The following CDH4 variants were observed in gnomAD, a reference collection of about 807,000 sequenced individuals.
The protein encoded by CDH4 is cadherin-4.
In CDH4, 33 loss-of-function variants were observed where a neutral mutation model predicts 86.0. The observed-to-expected ratio is 0.38, with a 90% confidence interval of 0.29 to 0.51. CDH4 has a LOEUF of 0.51. Among genes scored for constraint, CDH4 ranks in the 20% least tolerant of loss-of-function variants. CDH4 has a pLI of 0.86. For missense variants in CDH4, 1,114 were observed against 1,307.4 expected (o/e 0.85, Z 2.28); for synonymous variants, 555 against 549.4 (o/e 1.01, Z -0.14).
At chr20:61,309,037 A>G (rs1334841399) in intron 2 of CDH4, among the ~76,000 whole-genome samples, 1 of 152,250 alleles carries the variant, frequency 6.6e-6, no homozygotes, top group Non-Finnish European at 1.5e-5. Context: ...GGCCCAGAAC[A>G]CAGTGAAAAT....
chr20:61,294,482 C>T (rs1384402180), intron 2 of CDH4, among the ~76,000 whole-genome samples: 1 of 152,224 alleles, frequency 6.6e-6, no homozygotes, highest in Non-Finnish European at 1.5e-5. Flanking sequence ...AGCTGCTCTT[C>T]CCATCACCCT....
At chr20:61,304,087 T>G (rs2084400794) in intron 2 of CDH4, among the ~76,000 whole-genome samples, 1 of 152,162 alleles carries the variant, frequency 6.6e-6, no homozygotes, top group Non-Finnish European at 1.5e-5. Flanking sequence ...GGAACCCGTG[T>G]CCTGGGGCCT....
At chr20:61,887,529 A>G (rs1755003167) in intron 7 of CDH4, among the ~76,000 whole-genome samples, 1 of 147,390 alleles carries the variant, frequency 6.8e-6, no homozygotes, top group Admixed American at 6.6e-5. Flanking sequence ...ACATGCACAC[A>G]CACAATACAC....
At chr20:61,686,507 ATG>A (rs543581662) in intron 2 of CDH4, among the ~76,000 whole-genome samples, 57 of 125,688 alleles carry the variant, frequency 4.5e-4, no homozygotes, top group East Asian at 1.9e-3. Flanking sequence ...GTGTGTGTAT[ATG>A]TGTGTGCATT....
rs540495766 is a variant in CDH4 at position 61,287,877 on chromosome 20, A to T, written c.169+32940A>T. Among the ~76,000 whole-genome samples the T allele has an allele frequency of 7.9e-5, 12 of 152,288 alleles. No individual in the cohort carries two copies. The South Asian group carries it at 2.3e-3, about 29-fold the overall frequency. Reference sequence around the variant, plus strand: ...TGTGGAAGAGGAGCCTGAAGCCGGGAGGACAAGGCCAGTGTCCGGGTGGCA... The same window carrying T: ...TGTGGAAGAGGAGCCTGAAGCCGGGTGGACAAGGCCAGTGTCCGGGTGGCA... On this transcript the variant is annotated intron_variant, in intron 2 of 15. Coordinates refer to ENST00000614565, the MANE Select transcript of CDH4 (RefSeq NM_001794.5).
At chr20:61,616,979 G>C (rs1375087893) in intron 2 of CDH4, among the ~76,000 whole-genome samples, 2 of 152,182 alleles carry the variant, frequency 1.3e-5, no homozygotes, top group East Asian at 3.9e-4. Flanking sequence ...AGGTGTCTCA[G>C]TGGAAAACAG....
chr20:61,292,074 G>T (rs1037476916), intron 2 of CDH4, among the ~76,000 whole-genome samples: 1 of 152,170 alleles, frequency 6.6e-6, no homozygotes, highest in Non-Finnish European at 1.5e-5. Context: ...AAGCAGTATG[G>T]TGATTCCTCA....
chr20:61,802,440 C>T (rs1448450020), intron 4 of CDH4, among the ~76,000 whole-genome samples: 2 of 152,218 alleles, frequency 1.3e-5, no homozygotes, highest in Non-Finnish European at 2.9e-5. Flanking sequence ...CTGAAGCTCC[C>T]CCAAAATCGT....
intron 3 of CDH4, among the ~76,000 whole-genome samples, chr20:61,767,890 T>C (rs1286575958): frequency 8.5e-5 from 13 of 152,158 alleles, no homozygotes; most frequent in Non-Finnish European, 1.0e-4. Context: ...GAAACATCCC[T>C]GGGGAGCCAT....
At chr20:61,758,681 G>A (rs1306645250) in intron 3 of CDH4, among the ~76,000 whole-genome samples, 1 of 152,210 alleles carries the variant, frequency 6.6e-6, no homozygotes, top group Non-Finnish European at 1.5e-5. Context: ...CGGTCCCCCT[G>A]AGCCGTGGCC....
intron 2 of CDH4, among the ~76,000 whole-genome samples, chr20:61,694,073 T>C (rs1477450913): frequency 1.3e-5 from 2 of 151,956 alleles, no homozygotes; most frequent in African/African-American, 4.8e-5. Context: ...CTTGTATTTT[T>C]AGTGGAGACA....
intron 2 of CDH4, among the ~76,000 whole-genome samples, chr20:61,573,273 G>A (rs561054884): frequency 2.0e-5 from 3 of 152,200 alleles, no homozygotes; most frequent in Non-Finnish European, 4.4e-5. Context: ...GCCTCTTCAC[G>A]TCTGGGAAGG....
intron 2 of CDH4, among the ~76,000 whole-genome samples, chr20:61,698,957 C>A (rs574251675): frequency 1.9e-4 from 29 of 152,244 alleles, no homozygotes; most frequent in Non-Finnish European, 3.4e-4. Flanking sequence ...CAAGGATATC[C>A]CCACCTTTGG....
At chr20:61,777,719 CGT>C (rs2088860247) in intron 4 of CDH4, among the ~76,000 whole-genome samples, 1 of 146,308 alleles carries the variant, frequency 6.8e-6, no homozygotes, top group African/African-American at 2.6e-5. Context: ...CACCCACATG[CGT>C]GCACACGTGC....
intron 2 of CDH4, among the ~76,000 whole-genome samples, chr20:61,442,201 C>G (rs867181744): frequency 5.9e-5 from 9 of 152,160 alleles, no homozygotes; most frequent in African/African-American, 2.2e-4. Context: ...TGTTAGTGCA[C>G]TTTTTATAAA....
chr20:61,607,920 C>G (rs937790187), intron 2 of CDH4, among the ~76,000 whole-genome samples: 2 of 152,212 alleles, frequency 1.3e-5, no homozygotes, highest in African/African-American at 2.4e-5. Flanking sequence ...AGTGCAGAGT[C>G]TCCCTACCCT....
chr20:61,279,247 A>G (rs1242885114), intron 2 of CDH4, among the ~76,000 whole-genome samples: 1 of 152,166 alleles, frequency 6.6e-6, no homozygotes, highest in South Asian at 2.1e-4. Context: ...CATGCTGTCT[A>G]CCTGGCCATA....
In CDH4 at chr20:61,554,926, T is replaced by A. The variant is rs187881132; in HGVS notation, c.170-188637T>A. Reference sequence around the variant, plus strand: ...GTGCAGACATGTACATGTGTGCTCGTGTGTGCATGCATTCTTGTGCATGTA... The same window carrying A: ...GTGCAGACATGTACATGTGTGCTCGAGTGTGCATGCATTCTTGTGCATGTA... On this transcript the variant is annotated intron_variant, in intron 2 of 15. Coordinates refer to ENST00000614565, the MANE Select transcript of CDH4 (RefSeq NM_001794.5). Among the ~76,000 whole-genome samples the A allele has an allele frequency of 1.1e-4, 16 of 152,338 alleles. 1 individual carries two copies. Among genetic ancestry groups the A allele is most frequent in the Admixed American group, 1.0e-3 (16 of 15,312 alleles).
chr20:61,551,375 A>G (rs572151351), intron 2 of CDH4, among the ~76,000 whole-genome samples: 1 of 152,226 alleles, frequency 6.6e-6, no homozygotes, highest in Non-Finnish European at 1.5e-5. Flanking sequence ...AAATTTCACA[A>G]ATCACTGGTG....
Sources: allele counts gnomAD v4.1 joint callset (sites outside exome capture counted in the v4.1 genomes callset), GRCh38; gene constraint gnomAD v4.1.1; transcripts MANE v1.5; gene names NCBI Gene and HGNC (gene_info 2026-07-23, HGNC 2026-07-21).